RPS6KA2: variants seen among roughly 807,000 people sequenced by gnomAD.
RPS6KA2 encodes the protein ribosomal protein S6 kinase alpha-2.
RPS6KA2 carries 42 observed loss-of-function variants against 91.8 expected under a neutral mutation model. That is an observed-to-expected ratio of 0.46 (90% CI 0.36 to 0.59). The LOEUF is 0.59. Ranked by LOEUF, RPS6KA2 falls within the 20% of genes least tolerant of loss-of-function variation. The probability of loss-of-function intolerance (pLI) is 0.00; values close to 1 mark genes in which losing one functional copy is unlikely to be tolerated. For missense variants in RPS6KA2, 798 were observed against 978.5 expected (o/e 0.82, Z 2.46); for synonymous variants, 414 against 393.6 (o/e 1.05, Z -0.61).
chr6:166,493,838 A>T lies in RPS6KA2; in HGVS notation c.748-3097T>A, dbSNP rs1781689058. ...CATCCTATGACACACAGGGCGCCCCACAACAAGGAAGTGTCCAGTCCCGAC... is the reference window on the plus strand; with the variant it reads ...CATCCTATGACACACAGGGCGCCCCTCAACAAGGAAGTGTCCAGTCCCGAC... On this transcript the variant is annotated intron_variant, in intron 8 of 20. Coordinates refer to ENST00000265678, the MANE Select transcript of RPS6KA2 (RefSeq NM_021135.6). The surrounding 1 kb of genome is among the most constrained non-coding windows in gnomAD (Gnocchi z 4.7). Among the ~76,000 whole-genome samples the T allele has an allele frequency of 6.6e-6, 1 of 152,192 alleles. No individual in the cohort carries two copies. The highest frequency in any genetic ancestry group is 1.5e-5 in the Non-Finnish European group (1 of 68,020).
At chr6:166,674,000 A>C (rs1008975253) in intron 2 of RPS6KA2, among the ~76,000 whole-genome samples, 1 of 152,228 alleles carries the variant, frequency 6.6e-6, no homozygotes, top group African/African-American at 2.4e-5. Flanking sequence ...TGCTATCTTC[A>C]CAAAGCGTGT....
At chr6:166,486,963 GAC>G (rs1390270759) in intron 10 of RPS6KA2, among the ~76,000 whole-genome samples, 1 of 152,172 alleles carries the variant, frequency 6.6e-6, no homozygotes, top group Non-Finnish European at 1.5e-5. Flanking sequence ...CCGTGGCCGA[GAC>G]ACCGTCCTCC....
rs917659762 is a variant in RPS6KA2, at chr6:166,500,410, GCCA to G, written c.604+474_604+476del. Among the ~76,000 whole-genome samples the G allele has an allele frequency of 1.5e-4, 23 of 152,226 alleles. No individual in the cohort carries two copies. The highest frequency in any genetic ancestry group is 2.5e-4 in the Non-Finnish European group (17 of 68,038). On this transcript the variant is annotated intron_variant, in intron 7 of 20. Coordinates refer to ENST00000265678, the MANE Select transcript of RPS6KA2 (RefSeq NM_021135.6). The surrounding 1 kb of genome is among the most constrained non-coding windows in gnomAD (Gnocchi z 4.3). ...TGGAAACAGGGAGGGAAGTCACGTG[GCCA>G]CCACCACGGTCCAGGGAGTGAGAAG...
Position 166,767,044 on chromosome 6 carries a change from C to T in RPS6KA2, c.123+91156G>A, listed in dbSNP as rs539415905. Among the ~76,000 whole-genome samples the T allele has an allele frequency of 2.0e-3, 307 of 152,274 alleles. 2 individuals are homozygous for T. The highest frequency in any genetic ancestry group is 4.4e-3 in the African/African-American group (181 of 41,544). On this transcript the variant is annotated intron_variant, in intron 2 of 21. Coordinates refer to the RPS6KA2 transcript ENST00000503859. This position sits in a 1 kb window ranked among gnomAD's most constrained non-coding sequence, Gnocchi z 4.6. ...AGAAGTCTGCACCAACTCACCGCCACGAGAGTGAATGAAGGTCCCTTCCTT... is the reference window on the plus strand; with the variant it reads ...AGAAGTCTGCACCAACTCACCGCCATGAGAGTGAATGAAGGTCCCTTCCTT...
intron 1 of RPS6KA2, among the ~76,000 whole-genome samples, chr6:166,606,126 C>T (rs540420678): frequency 6.6e-6 from 1 of 152,340 alleles, no homozygotes; most frequent in East Asian, 1.9e-4. Context: ...CCCAAGGATG[C>T]AGTTCCAACT....
chr6:166,646,559 C>T (rs1787608198), intron 2 of RPS6KA2, among the ~76,000 whole-genome samples: 1 of 152,256 alleles, frequency 6.6e-6, no homozygotes. Context: ...CCTGGTCCAG[C>T]CGCATGCCTT....
chr6:166,429,333 T>A (rs1205710643), intron 16 of RPS6KA2, among the ~76,000 whole-genome samples: 1 of 150,840 alleles, frequency 6.6e-6, no homozygotes, highest in Non-Finnish European at 1.5e-5. Context: ...ATATACCTAA[T>A]GCTAAATGAC....
rs1399928487 is a variant in RPS6KA2 at position 166,450,419 on chromosome 6, AGGGACCACCATG to A, written c.1206+672_1206+683del. Among the ~76,000 whole-genome samples the A allele has an allele frequency of 8.6e-5, 9 of 104,274 alleles. No individual in the cohort carries two copies. In the South Asian group the frequency reaches 1.5e-3, roughly 18 times the overall value. The allele number at this position is 104,274 out of a possible 152,430, so 68.4% of individuals were successfully genotyped here. A position where few individuals can be genotyped will look rare whatever the true frequency, so the allele number is the denominator to read the frequency against. The stretch of plus-strand genomic sequence containing the variant: ...AGGAGATCACCACAGGGACCACCAC[AGGGACCACCATG>A]GGGACCACCACAGGAACCACCATGA... On this transcript the variant is annotated intron_variant, in intron 13 of 20. Transcript: ENST00000265678.
Position 166,554,261 on chromosome 6 carries a change from GAAGT to G in RPS6KA2, c.100-15481_100-15478del, listed in dbSNP as rs1462827025. Among the ~76,000 whole-genome samples the G allele has an allele frequency of 6.6e-6, 1 of 152,184 alleles. No individual in the cohort carries two copies. The highest frequency in any genetic ancestry group is 1.9e-4 in the East Asian group (1 of 5,198). On this transcript the variant is annotated intron_variant, in intron 1 of 20. Coordinates refer to ENST00000265678, the MANE Select transcript of RPS6KA2 (RefSeq NM_021135.6). This position sits in a 1 kb window ranked among gnomAD's most constrained non-coding sequence, Gnocchi z 4.3. ...AGAAGCGACTGCTACCCCTTTCCCAGAAGTAAGAGATCTGCAAAATTTTGCTCGT... is the reference window on the plus strand; with the variant it reads ...AGAAGCGACTGCTACCCCTTTCCCAGAAGAGATCTGCAAAATTTTGCTCGT...
At chr6:166,696,372 C>A (rs1055464744) in intron 2 of RPS6KA2, among the ~76,000 whole-genome samples, 2 of 152,166 alleles carry the variant, frequency 1.3e-5, no homozygotes, top group African/African-American at 4.8e-5. Context: ...CAGATGATTT[C>A]TCCAAGTTTA....
At chr6:166,520,973 C>T (rs1583234879) in intron 3 of RPS6KA2, among the ~76,000 whole-genome samples, 2 of 152,352 alleles carry the variant, frequency 1.3e-5, no homozygotes, top group Admixed American at 1.3e-4. Flanking sequence ...GCCACTGGTG[C>T]CTGGGACTGC....
At chr6:166,549,476 A>G (rs139128400) in intron 1 of RPS6KA2, among the ~76,000 whole-genome samples, 1 of 152,378 alleles carries the variant, frequency 6.6e-6, no homozygotes, top group East Asian at 1.9e-4. Context: ...CACAAATGCA[A>G]AGGAACAAAC....
Position 166,666,254 on chromosome 6 carries a change from C to T in RPS6KA2, c.124-127470G>A, listed in dbSNP as rs927500888. ...GAGAGGGGGCGGGACTGGCATCTTC[C>T]CAGCAAAGTAGGGGGCAAGGGAGCA... On this transcript the variant is annotated intron_variant, in intron 2 of 21. Transcript: ENST00000503859. The surrounding 1 kb of genome is among the most constrained non-coding windows in gnomAD (Gnocchi z 4.0). 5.3e-5 allele frequency among the ~76,000 whole-genome samples: 8 copies of T among 152,160 alleles called. 1 individual carries two copies. The highest frequency in any genetic ancestry group is 6.5e-5 in the Admixed American group (1 of 15,276).
intron 3 of RPS6KA2, among the ~76,000 whole-genome samples, chr6:166,517,450 GTTTTGTTTTTTT>G (rs1782686426): frequency 4.8e-5 from 4 of 83,800 alleles, no homozygotes; most frequent in African/African-American, 2.7e-4. Flanking sequence ...GCGTTCTTTT[GTTTTGTTTTTTT>G]TTTTTTTTTT....
Position 166,412,723 on chromosome 6 carries a change from G to A in RPS6KA2, c.*39C>T. 1.3e-6 allele frequency: 2 copies of A among 1,557,262 alleles called. No homozygotes were observed. Among genetic ancestry groups the A allele is most frequent in the Non-Finnish European group, 1.7e-6 (2 of 1,151,668 alleles). On this transcript the variant is annotated 3_prime_UTR_variant, in exon 21 of 21. Transcript: ENST00000265678. The surrounding 1 kb of genome is among the most constrained non-coding windows in gnomAD (Gnocchi z 4.3). ...GAGGCCGGGGTCTGTGAGCCCACGA[G>A]GATGCTGGCAGGGGACGCTGGGGCC...
chr6:166,799,384 GA>G (rs151032687), intron 2 of RPS6KA2, among the ~76,000 whole-genome samples: 2,893 of 152,222 alleles, frequency 0.019, 46 homozygotes, highest in Non-Finnish European at 0.032. Flanking sequence ...TGTGGTTACA[GA>G]AAATTACATT....
At chr6:166,462,260 C>A (rs1463823734) in intron 11 of RPS6KA2, among the ~76,000 whole-genome samples, 1 of 152,250 alleles carries the variant, frequency 6.6e-6, no homozygotes, top group Non-Finnish European at 1.5e-5. Flanking sequence ...CCCCATGGAA[C>A]CCCCGGTGGG....
intron 2 of RPS6KA2, among the ~76,000 whole-genome samples, chr6:166,637,801 G>A (rs1455373896): frequency 6.6e-6 from 1 of 152,236 alleles, no homozygotes; most frequent in East Asian, 1.9e-4. Flanking sequence ...ACCAAGAAGC[G>A]GGTTCAGATT....
At chr6:166,853,388 C>A (rs555127926) in intron 2 of RPS6KA2, among the ~76,000 whole-genome samples, 1 of 152,332 alleles carries the variant, frequency 6.6e-6, no homozygotes, top group South Asian at 2.1e-4. Flanking sequence ...ATGTAGGGAA[C>A]AAAGACGATA....
Sources: allele counts gnomAD v4.1 joint callset (sites outside exome capture counted in the v4.1 genomes callset), GRCh38; gene constraint gnomAD v4.1.1; non-coding constraint Gnocchi (gnomAD v3.1); transcripts MANE v1.5; gene names NCBI Gene and HGNC (gene_info 2026-07-23, HGNC 2026-07-21).